ZNF100: variants seen among roughly 807,000 people sequenced by gnomAD.
ZNF100 encodes zinc finger protein 100, also known as zinc finger protein 100 (Y1).
ZNF100 carries 12 observed loss-of-function variants against 15.8 expected under a neutral mutation model. The observed-to-expected ratio is 0.76, with a 90% CI of 0.49 to 1.23. The LOEUF is 1.23. Ranked by LOEUF, ZNF100 falls within the 50% of genes most tolerant of loss-of-function variation. ZNF100 has a pLI of 0.00. For synonymous variants in ZNF100, 226 were observed against 214.8 expected, an observed-to-expected ratio of 1.05 and a Z score of -0.45; for missense variants, 670 against 635.6, an observed-to-expected ratio of 1.05 and a Z score of -0.58.
chr19:21,743,906 G>C, intron 4 of ZNF100, 111 bp downstream of exon 4: 3 of 893,978 alleles, frequency 3.4e-6, no homozygotes, highest in Admixed American at 3.4e-5. Flanking sequence ...AGGCATCCCA[G>C]AAACTATTTC....
At chr19:21,763,549 C>T (rs941148898) in intron 2 of ZNF100, among the ~76,000 whole-genome samples, 1 of 152,134 alleles carries the variant, frequency 6.6e-6, no homozygotes, top group African/African-American at 2.4e-5. Context: ...GAGATTGCAC[C>T]ACTGCACTTC....
intron 2 of ZNF100, 90 bp downstream of exon 2, chr19:21,765,602 AAT>A: frequency 2.6e-6 from 3 of 1,143,768 alleles, no homozygotes; most frequent in Non-Finnish European, 3.9e-6. Context: ...GTTTCCCCTC[AAT>A]ACCAGCATCT....
intron 2 of ZNF100, among the ~76,000 whole-genome samples, chr19:21,759,115 A>G (rs111263073): frequency 6.6e-6 from 1 of 152,176 alleles, no homozygotes; most frequent in Non-Finnish European, 1.5e-5. Flanking sequence ...TGCAGTTGCC[A>G]GTCACAAACC....
In ZNF100 at chr19:21,751,220, T is replaced by C. The variant is rs1017370728; in HGVS notation, c.97-6153A>G. On this transcript the variant is annotated intron_variant, in intron 2 of 4. Transcript: ENST00000358296. ...AAAAAGTATAGCTCATGCTCAACAA[T>C]ATTTCTAGGTGACAGAACAGTCAGC... The C allele has an allele frequency of 7.7e-6, 10 of 1,293,838 alleles. No homozygotes were observed. In the African/African-American group the frequency reaches 1.3e-4, roughly 17 times the overall value. 80.1% of individuals were successfully genotyped at this position (1,293,838 alleles called of 1,614,324 possible).
chr19:21,742,944 G>A (rs549818963), intron 4 of ZNF100: 1 of 152,110 alleles, frequency 6.6e-6, no homozygotes, highest in African/African-American at 2.4e-5. Flanking sequence ...AAAGATATAA[G>A]ATAGACCAGG....
intron 2 of ZNF100, chr19:21,746,671 AT>A (rs1483788541): frequency 6.6e-6 from 1 of 152,044 alleles, no homozygotes; most frequent in African/African-American, 2.4e-5. Context: ...AATATTTTGC[AT>A]AGACCCTTGA....
chr19:21,736,598 C>A (rs1339764306), intron 4 of ZNF100, among the ~76,000 whole-genome samples: 2 of 152,226 alleles, frequency 1.3e-5, no homozygotes, highest in Admixed American at 1.3e-4. Flanking sequence ...AATACACATT[C>A]TTCTAATTGC....
Position 21,767,574 on chromosome 19 carries a change from A to T in ZNF100, c.-145T>A. ...TGGAGCTCCGGCTACAGCGAGAGACAAAGACCCCGCCAAACCCGGAAGCCG... is the reference window on the plus strand; with the variant it reads ...TGGAGCTCCGGCTACAGCGAGAGACTAAGACCCCGCCAAACCCGGAAGCCG... On this transcript the variant is annotated 5_prime_UTR_variant, in exon 1 of 5. Coordinates refer to ENST00000358296, the MANE Select transcript of ZNF100 (RefSeq NM_173531.4). 1.5e-6 allele frequency: 2 copies of T among 1,335,750 alleles called. No individual in the cohort carries two copies. The highest frequency in any genetic ancestry group is 2.1e-6 in the Non-Finnish European group (2 of 971,232). The allele number at this position is 1,335,750 out of a possible 1,614,324, so 82.7% of individuals were successfully genotyped here. A position where few individuals can be genotyped will look rare whatever the true frequency, so the allele number is the denominator to read the frequency against.
chr19:21,727,987 T>A lies in ZNF100; in HGVS notation c.325A>T (p.Ile109Leu). The change falls in exon 5 of 5, where the codon ATA becomes TTA. Residue 109 changes from isoleucine (I) to leucine (L), a missense_variant and splice_region_variant. Ile to Leu is a conservative substitution (Grantham distance 5). Transcript: ENST00000358296. ...RHEMVAKPPV[I>L]CSHFPQDLWA... The stretch of plus-strand genomic sequence containing the variant: ...AGGTCTTGGGGAAAATGAGAACATA[T>A]AACTGAAAGAAATAAAAATAACAAA... 5 of 1,511,264 alleles carry A rather than the reference T, an allele frequency of 3.3e-6. No homozygotes were observed. In the South Asian group the frequency reaches 7.1e-5, roughly 21 times the overall value. The allele number at this position is 1,511,264 out of a possible 1,614,324, so 93.6% of individuals were successfully genotyped here.
chr19:21,726,974 G>C lies in ZNF100; in HGVS notation c.1338C>G (p.Thr446=), dbSNP rs878905947. ...KAFNESSNLT[T]HKMIHTGEKP... Reference sequence around the variant, plus strand: ...TCTCTCCAGTATGAATCATCTTATGGGTAGTAAGGTTTGAGGACTCATTAA... The same window carrying C: ...TCTCTCCAGTATGAATCATCTTATGCGTAGTAAGGTTTGAGGACTCATTAA... Residue 446 remains threonine, a synonymous_variant, in exon 5 of 5, where the codon ACC becomes ACG. Coordinates refer to ENST00000358296, the MANE Select transcript of ZNF100 (RefSeq NM_173531.4). 6.5e-7 allele frequency: 1 copy of C among 1,539,676 alleles called. No individual in the cohort carries two copies. Among genetic ancestry groups the C allele is most frequent in the Admixed American group, 1.9e-5 (1 of 52,940 alleles).
chr19:21,731,602 C>T lies in ZNF100; in HGVS notation c.323-3613G>A, dbSNP rs373674751. 2.1e-3 allele frequency among the ~76,000 whole-genome samples: 313 copies of T among 152,072 alleles called. 3 individuals carry two copies. The highest frequency in any genetic ancestry group is 7.3e-3 in the African/African-American group (301 of 41,472). ...GATTACAGGCATGAGCCACCGTGCC[C>T]GGCAATGCAACTTTCTGTCACCAAA... is the stretch of plus-strand genomic sequence containing the variant. On this transcript the variant is annotated intron_variant, in intron 4 of 4. Transcript: ENST00000358296.
chr19:21,736,039 C>G (rs1487046094), intron 4 of ZNF100, among the ~76,000 whole-genome samples: 3 of 152,152 alleles, frequency 2.0e-5, no homozygotes, highest in Non-Finnish European at 4.4e-5. Flanking sequence ...CTGTCAGCCT[C>G]AGCCTCCAAA....
chr19:21,728,030 C>A, intron 4 of ZNF100, 41 bp from the exon 5 acceptor site: 1 of 1,434,398 alleles, frequency 7.0e-7, no homozygotes, highest in Non-Finnish European at 9.1e-7. Context: ...ACTTACTAGA[C>A]ACAGATAGTT....
intron 2 of ZNF100, among the ~76,000 whole-genome samples, chr19:21,757,972 G>C (rs946904388): frequency 6.6e-6 from 1 of 152,008 alleles, no homozygotes; most frequent in African/African-American, 2.4e-5. Context: ...TGGAGGTTGA[G>C]GCTGAAGTGA....
At chr19:21,761,909 G>A (rs943623651) in intron 2 of ZNF100, among the ~76,000 whole-genome samples, 2 of 152,180 alleles carry the variant, frequency 1.3e-5, no homozygotes, top group South Asian at 2.1e-4. Context: ...CGGTCAGAAA[G>A]CATGAATCTG....
At chr19:21,746,839 A>AT (rs1218773714) in intron 2 of ZNF100, 1 of 151,958 alleles carries the variant, frequency 6.6e-6, no homozygotes, top group East Asian at 1.9e-4. Flanking sequence ...AAAAAACATC[A>AT]TTTTTCCTCT....
At chr19:21,759,705 A>G (rs1267447337) in intron 2 of ZNF100, among the ~76,000 whole-genome samples, 1 of 152,176 alleles carries the variant, frequency 6.6e-6, no homozygotes, top group Non-Finnish European at 1.5e-5. Flanking sequence ...CCTCACTGCT[A>G]CACCCCCACC....
intron 4 of ZNF100, among the ~76,000 whole-genome samples, chr19:21,742,412 T>C (rs2036130469): frequency 6.8e-6 from 1 of 146,260 alleles, no homozygotes; most frequent in African/African-American, 2.5e-5. Flanking sequence ...GAGAATTGCT[T>C]GAACCCGGGA....
chr19:21,732,330 G>C (rs35338965), intron 4 of ZNF100, among the ~76,000 whole-genome samples: 13,974 of 152,154 alleles, frequency 0.092, 849 homozygotes, highest in South Asian at 0.18. Flanking sequence ...GAAATTAGGA[G>C]AATTTTTATA....
Sources: allele counts gnomAD v4.1 joint callset (sites outside exome capture counted in the v4.1 genomes callset), GRCh38; gene constraint gnomAD v4.1.1; transcripts MANE v1.5; gene names NCBI Gene and HGNC (gene_info 2026-07-23, HGNC 2026-07-21).